Variants in ESPL1 observed in about 807,000 individuals in gnomAD.
The protein encoded by ESPL1 is extra spindle pole bodies like 1, separase, also known as separin.
A neutral mutation model predicts 217.2 loss-of-function variants in ESPL1; 50 were observed. The ratio of observed to expected loss-of-function variants is 0.23; its 90% CI spans 0.18 to 0.29. The LOEUF is 0.29. ESPL1 is among the 10% of genes least tolerant of loss of function. The pLI is 1.00. For missense variants in ESPL1, 1,834 were observed against 2,603.0 expected (o/e 0.70, Z 6.43); for synonymous variants, 994 against 1,081.3 (o/e 0.92, Z 1.58).
chr12:53,290,897 G>A lies in ESPL1; in HGVS notation c.5421G>A (p.Leu1807=). 1 of 1,607,896 alleles carries A rather than the reference G, an allele frequency of 6.2e-7. No homozygotes were observed. The highest frequency in any genetic ancestry group is 8.5e-7 in the Non-Finnish European group (1 of 1,177,532). The change falls in exon 25 of 31, where the codon CTG becomes CTA. Residue 1807 remains leucine (L), a synonymous_variant. Coordinates refer to ENST00000257934, the MANE Select transcript of ESPL1 (RefSeq NM_012291.5). ...SVLGCWKGLL[L]PSSEEPGPAQ... is the part of the protein sequence containing the mutation. Reference sequence around the variant, plus strand: ...TGGGCTGCTGGAAGGGGCTGCTGCTGCCGTCCAGTGAGGAGCCCGGCCCTG... The same window carrying A: ...TGGGCTGCTGGAAGGGGCTGCTGCTACCGTCCAGTGAGGAGCCCGGCCCTG...
rs1110720 is a variant in ESPL1 at position 53,288,542 on chromosome 12, G to A, written c.4551G>A (p.Gly1517=). The A allele has an allele frequency of 0.64, 1,029,130 of 1,608,556 alleles. 332,391 individuals are homozygous for A. Among genetic ancestry groups the A allele is most frequent in the East Asian group, 0.81 (36,436 of 44,838 alleles). The part of the protein sequence containing the change: ...GSDGEDSASG[G]KTPAPGPEAA... ...AAAGGCCTGCTCTCTCCCCAGGTGG[G>A]AAGACTCCAGCTCCGGGCCCTGAGG... The change falls in exon 20 of 31, where the codon GGG becomes GGA. Residue 1517 remains glycine (G), a synonymous_variant. Coordinates refer to ENST00000257934, the MANE Select transcript of ESPL1 (RefSeq NM_012291.5).
At chr12:53,276,495 T>G (rs1034790880) in intron 7 of ESPL1, 125 bp from the exon 8 acceptor site, 2 of 1,130,646 alleles carry the variant, frequency 1.8e-6, no homozygotes, top group African/African-American at 3.1e-5. Context: ...CTGATTTAAA[T>G]TTTTAAAGCC....
intron 6 of ESPL1, among the ~76,000 whole-genome samples, chr12:53,273,172 G>A (rs1943707834): frequency 6.6e-6 from 1 of 151,444 alleles, no homozygotes; most frequent in South Asian, 2.1e-4. Context: ...CCAAGTAGCT[G>A]GGATTACAGG....
chr12:53,277,334 G>T (rs1943786830), intron 9 of ESPL1, 107 bp downstream of exon 9: 2 of 1,482,952 alleles, frequency 1.3e-6, no homozygotes, highest in Non-Finnish European at 1.8e-6. Flanking sequence ...TATTTTTAGA[G>T]ATGGGGTCTC....
Position 53,292,612 on chromosome 12 carries a change from G to C in ESPL1, c.5951G>C (p.Arg1984Thr), listed in dbSNP as rs1425312146. The C allele has an allele frequency of 1.2e-6, 2 of 1,612,778 alleles. No individual in the cohort carries two copies. Among genetic ancestry groups the C allele is most frequent in the Admixed American group, 1.7e-5 (1 of 59,998 alleles). The change falls in exon 29 of 31, where the codon AGA becomes ACA. Residue 1984 changes from arginine to threonine, a missense_variant. By Grantham distance (71) the Arg-to-Thr change is moderately conservative. This residue lies in a region of ESPL1 where 295 missense variants were observed against 519.8 expected (regional missense o/e 0.57). Transcript: ENST00000257934. The surrounding 1 kb of genome is among the most constrained non-coding windows in gnomAD (Gnocchi z 4.5). Reference protein sequence around the residue: ...GWRGVVGEVPRPEQVQEALTK... With the variant: ...GWRGVVGEVPTPEQVQEALTK... Reference sequence around the variant, plus strand: ...AGAGGAGTGGTTGGGGAGGTGCCAAGACCTGAACAGGTGCAGGAAGCCCTG... The same window carrying C: ...AGAGGAGTGGTTGGGGAGGTGCCAACACCTGAACAGGTGCAGGAAGCCCTG...
intron 16 of ESPL1, 41 bp from the exon 17 acceptor site, chr12:53,284,017 A>G (rs758701540): frequency 7.1e-7 from 1 of 1,417,208 alleles, no homozygotes; most frequent in African/African-American, 1.4e-5. Context: ...CAGGAAAACA[A>G]AGGATTCCTC....
rs992719741 is a variant in ESPL1, at chr12:53,279,760, T to C, written c.2393T>C (p.Leu798Pro). The change falls in exon 12 of 31, where the codon CTG becomes CCG. Residue 798 changes from leucine (L) to proline (P), a missense_variant. Around this residue, in one of 5 missense-constraint regions of ESPL1, gnomAD observed 746 missense variants for 1,077.0 expected, o/e 0.69. Coordinates refer to ENST00000257934, the MANE Select transcript of ESPL1 (RefSeq NM_012291.5). Reference sequence around the variant, plus strand: ...ATGCAGGCTCTGGAGGTCCTCCTGCTGCTACGGATTGTCTCTGAGAGACTG... The same window carrying C: ...ATGCAGGCTCTGGAGGTCCTCCTGCCGCTACGGATTGTCTCTGAGAGACTG... The part of the protein sequence containing the change: ...KPMQALEVLL[L>P]LRIVSERLKD... The C allele has an allele frequency of 6.2e-7, 1 of 1,613,998 alleles. No homozygotes were observed. Among genetic ancestry groups the C allele is most frequent in the African/African-American group, 1.3e-5 (1 of 74,934 alleles).
chr12:53,277,402 T>C (rs1943788065), intron 9 of ESPL1, 68 bp from the exon 10 acceptor site: 1 of 1,557,568 alleles, frequency 6.4e-7, no homozygotes, highest in South Asian at 1.2e-5. Flanking sequence ...CACCTCAGCC[T>C]GCCGAGTAGC....
chr12:53,278,037 C>T, intron 11 of ESPL1, 77 bp downstream of exon 11: 2 of 1,451,832 alleles, frequency 1.4e-6, no homozygotes, highest in East Asian at 4.6e-5. Flanking sequence ...CTTCTTTGGC[C>T]TGTGATCCTC....
intron 7 of ESPL1, among the ~76,000 whole-genome samples, chr12:53,275,579 C>T (rs1369229423): frequency 6.6e-6 from 1 of 152,154 alleles, no homozygotes. Context: ...TTCCTTCATT[C>T]ATTAGTTATT....
intron 12 of ESPL1, among the ~76,000 whole-genome samples, chr12:53,281,300 G>A (rs978567659): frequency 2.0e-5 from 3 of 151,862 alleles, no homozygotes; most frequent in African/African-American, 7.3e-5. Flanking sequence ...ACCACACCTG[G>A]CTAATTTTTG....
intron 6 of ESPL1, among the ~76,000 whole-genome samples, 173 bp downstream of exon 6, chr12:53,273,030 C>T (rs1229936968): frequency 6.7e-6 from 1 of 149,102 alleles, no homozygotes; most frequent in Non-Finnish European, 1.5e-5. Flanking sequence ...TTACTGTTGA[C>T]TCATTTTTTT....
chr12:53,285,819 C>T (rs1338502571), intron 17 of ESPL1, 105 bp from the exon 18 acceptor site: 19 of 759,646 alleles, frequency 2.5e-5, no homozygotes, highest in African/African-American at 3.5e-5. Context: ...TATACACGTA[C>T]GTATATAAAA....
chr12:53,291,912 C>T, intron 26 of ESPL1, 52 bp downstream of exon 26: 1 of 1,587,216 alleles, frequency 6.3e-7, no homozygotes, highest in Non-Finnish European at 8.6e-7. Context: ...AATACCAACT[C>T]ATCCCCATGC....
At position 53,269,238 on chromosome 12, in the gene ESPL1, G is replaced by T; in HGVS notation, c.296G>T (p.Arg99Leu). The change falls in exon 3 of 31, where the codon CGA becomes CTA. Residue 99 changes from arginine (R) to leucine (L), a missense_variant. Physicochemically the swap from Arg to Leu is moderately radical, Grantham distance 102 (BLOSUM62 -2). Coordinates refer to ENST00000257934, the MANE Select transcript of ESPL1 (RefSeq NM_012291.5). The surrounding 1 kb of genome is among the most constrained non-coding windows in gnomAD (Gnocchi z 6.7). Reference sequence around the variant, plus strand: ...CAGCGTCCTCCCCTCTACCTGGAACGAATTCTCTTTGTCTTACTGCGGAAT... The same window carrying T: ...CAGCGTCCTCCCCTCTACCTGGAACTAATTCTCTTTGTCTTACTGCGGAAT... The part of the protein sequence containing the change: ...TPQRPPLYLE[R>L]ILFVLLRNAA... The T allele has an allele frequency of 6.2e-7, 1 of 1,614,148 alleles. No individual in the cohort carries two copies. The highest frequency in any genetic ancestry group is 8.5e-7 in the Non-Finnish European group (1 of 1,180,014).
Position 53,291,677 on chromosome 12 carries a change from T to C in ESPL1, c.5521-13T>C. On this transcript the variant is annotated splice_polypyrimidine_tract_variant and intron_variant, in intron 25 of 30. Coordinates refer to ENST00000257934, the MANE Select transcript of ESPL1 (RefSeq NM_012291.5). The stretch of plus-strand genomic sequence containing the variant: ...GAATGAAGATGGTGCTCACCACCAC[T>C]GTTTCCCTGCAGATCATGCTCAGTG... 2 of 1,612,120 alleles carry C rather than the reference T, an allele frequency of 1.2e-6. No homozygotes were observed. Among genetic ancestry groups the C allele is most frequent in the Non-Finnish European group, 1.7e-6 (2 of 1,179,238 alleles).
rs569185844 is a variant in ESPL1, at chr12:53,276,394, C to T, written c.1701-226C>T. ...TGGTCAAAGTGGGAAGCGGCCAGAT[C>T]ACACAGGGCCTTATAGGCCATGGTC... On this transcript the variant is annotated intron_variant, in intron 7 of 30. Coordinates refer to ENST00000257934, the MANE Select transcript of ESPL1 (RefSeq NM_012291.5). 2.0e-5 allele frequency among the ~76,000 whole-genome samples: 3 copies of T among 152,332 alleles called. No homozygotes were observed. In the South Asian group the frequency reaches 6.2e-4, roughly 32 times the overall value.
chr12:53,268,867 CGGGA>C lies in ESPL1; in HGVS notation c.81+21_81+24del. The C allele has an allele frequency of 1.0e-5, 16 of 1,593,822 alleles. No individual in the cohort carries two copies. Among genetic ancestry groups the C allele is most frequent in the Non-Finnish European group, 1.4e-5 (16 of 1,164,764 alleles). On this transcript the variant is annotated intron_variant, in intron 2 of 30. Transcript: ENST00000257934. Reference sequence around the variant, plus strand: ...TTGAAGGTGGGGGTGCTGCCTGGCTCGGGATACACCTGGCTTTCCAAACTGAGCT... The same window carrying C: ...TTGAAGGTGGGGGTGCTGCCTGGCTCTACACCTGGCTTTCCAAACTGAGCT...
chr12:53,268,376 C>T lies in ESPL1; in HGVS notation c.-14C>T. The T allele has an allele frequency of 4.9e-6, 1 of 204,168 alleles. No individual in the cohort carries two copies. Among genetic ancestry groups the T allele is most frequent in the South Asian group, 8.4e-5 (1 of 11,910 alleles). 12.6% of individuals were successfully genotyped at this position (204,168 alleles called of 1,614,324 possible). On this transcript the variant is annotated splice_region_variant and 5_prime_UTR_variant, in exon 1 of 31. Transcript: ENST00000257934. ...CTAGGAAAGAGGGCGAGCTCTGGGGCGGTAAGGCCGGAAGGGACTCGTGAG... is the reference window on the plus strand; with the variant it reads ...CTAGGAAAGAGGGCGAGCTCTGGGGTGGTAAGGCCGGAAGGGACTCGTGAG...
Sources: gnomAD v4.1 joint callset for allele counts (sites outside exome capture counted in the v4.1 genomes callset) on GRCh38, gnomAD v4.1.1 for gene constraint, gnomAD v4.1.1 regional missense constraint, Gnocchi (gnomAD v3.1) non-coding constraint, MANE v1.5 for transcripts, NCBI Gene and HGNC (gene_info 2026-07-23, HGNC 2026-07-21) for gene names.